Variants in EIF4G3 observed in about 807,000 individuals in gnomAD.
EIF4G3 encodes eIF-4-gamma 3.
In EIF4G3, 34 loss-of-function variants were observed where a neutral mutation model predicts 186.4. That is an observed-to-expected ratio of 0.18 (90% CI 0.14 to 0.24). EIF4G3 has a LOEUF of 0.24. Ranked by LOEUF, EIF4G3 falls within the 10% of genes least tolerant of loss-of-function variation. The probability of loss-of-function intolerance (pLI) is 1.00; values close to 1 mark genes in which losing one functional copy is unlikely to be tolerated. For missense variants in EIF4G3, 1,536 were observed against 1,948.5 expected (o/e 0.79, Z 3.99); for synonymous variants, 673 against 679.5 (o/e 0.99, Z 0.15).
At chr1:21,006,120 A>T (rs1388848362) in intron 4 of EIF4G3, among the ~76,000 whole-genome samples, 1 of 152,178 alleles carries the variant, frequency 6.6e-6, no homozygotes, top group East Asian at 1.9e-4. Flanking sequence ...GCCTTTAGAA[A>T]CTTCTTAGGA....
intron 33 of EIF4G3, among the ~76,000 whole-genome samples, chr1:20,820,888 A>T (rs1319431534): frequency 6.6e-6 from 1 of 151,874 alleles, no homozygotes; most frequent in Non-Finnish European, 1.5e-5. Flanking sequence ...TGTGGAGAGG[A>T]GCTATCCTCT....
At position 21,138,966 on chromosome 1, in the gene EIF4G3, C is replaced by A. The variant is rs186938009; in HGVS notation, c.-272+37209G>T. 2.0e-5 allele frequency among the ~76,000 whole-genome samples: 3 copies of A among 152,214 alleles called. No homozygotes were observed. The East Asian group carries it at 5.8e-4, about 29-fold the overall frequency. On this transcript the variant is annotated intron_variant, in intron 2 of 36. Coordinates refer to ENST00000602326, the MANE Select transcript of EIF4G3 (RefSeq NM_001391906.1). Reference sequence around the variant, plus strand: ...GCAGTGTGATCACAGCTCACTGCAGCCTTGACCTCCTGGGCTCAAGCAATC... The same window carrying A: ...GCAGTGTGATCACAGCTCACTGCAGACTTGACCTCCTGGGCTCAAGCAATC...
chr1:20,806,442 T>TG (rs1215544797), downstream of EIF4G3: 1 of 152,668 alleles, frequency 6.6e-6, no homozygotes, highest in African/African-American at 2.4e-5. Context: ...TGGGCACACA[T>TG]GCAGCAGCTG....
In EIF4G3 at chr1:20,861,396, C is replaced by CA. The variant is rs1350591236; in HGVS notation, c.3111+831dup. Among the ~76,000 whole-genome samples the CA allele has an allele frequency of 2.6e-5, 4 of 151,438 alleles. No homozygotes were observed. The East Asian group carries it at 5.8e-4, about 22-fold the overall frequency. On this transcript the variant is annotated intron_variant, in intron 23 of 36. Transcript: ENST00000602326. ...AAGAGAAATGAGAAAAACAAAAAAA[C>CA]AAAAAAACAAAAAAAACCCAGCAGC...
intron 12 of EIF4G3, among the ~76,000 whole-genome samples, chr1:20,959,497 A>T (rs886778216): frequency 1.3e-5 from 2 of 151,924 alleles, no homozygotes; most frequent in Non-Finnish European, 2.9e-5. Flanking sequence ...CATGAGTAAG[A>T]CCCCAAAGCA....
At chr1:20,831,120 C>T (rs1340607753) in intron 30 of EIF4G3, among the ~76,000 whole-genome samples, 1 of 151,854 alleles carries the variant, frequency 6.6e-6, no homozygotes, top group Non-Finnish European at 1.5e-5. Flanking sequence ...GAAAAAACCA[C>T]AGCCACTGGA....
intron 2 of EIF4G3, among the ~76,000 whole-genome samples, chr1:21,112,455 A>T (rs1333413685): frequency 6.6e-6 from 1 of 152,216 alleles, no homozygotes; most frequent in Non-Finnish European, 1.5e-5. Context: ...TAACATTAAC[A>T]GGAAGAATAC....
intron 18 of EIF4G3, chr1:20,892,619 C>T: frequency 2.0e-6 from 3 of 1,529,126 alleles, no homozygotes; most frequent in Non-Finnish European, 2.6e-6. Flanking sequence ...TTCAGCGCAC[C>T]CCTAGAGGCA....
intron 29 of EIF4G3, among the ~76,000 whole-genome samples, chr1:20,847,459 T>C (rs999914980): frequency 1.3e-5 from 2 of 152,322 alleles, no homozygotes; most frequent in Admixed American, 6.5e-5. Flanking sequence ...TAAGGTCTTT[T>C]ACTCCCTATA....
At chr1:20,913,305 G>A (rs1357963061) in intron 14 of EIF4G3, among the ~76,000 whole-genome samples, 3 of 152,172 alleles carry the variant, frequency 2.0e-5, no homozygotes, top group African/African-American at 7.2e-5. Flanking sequence ...AGGACAAGGT[G>A]AGTGAATTGC....
intron 2 of EIF4G3, among the ~76,000 whole-genome samples, chr1:21,150,731 C>G (rs1218688731): frequency 5.9e-5 from 9 of 152,150 alleles, no homozygotes; most frequent in Admixed American, 5.9e-4. Flanking sequence ...AATCCCAGCA[C>G]TTTGGGAGGC....
At chr1:21,136,126 T>G (rs1416354697) in intron 2 of EIF4G3, among the ~76,000 whole-genome samples, 1 of 151,244 alleles carries the variant, frequency 6.6e-6, no homozygotes. Flanking sequence ...GAGCTTGCAG[T>G]GAGCCGAGAT....
intron 4 of EIF4G3, among the ~76,000 whole-genome samples, chr1:21,019,767 C>T (rs2154570722): frequency 6.6e-6 from 1 of 152,196 alleles, no homozygotes; most frequent in East Asian, 1.9e-4. Flanking sequence ...GCCTGTAGTC[C>T]CAGCAACTAG....
At chr1:21,087,433 C>T (rs2096024389) in intron 3 of EIF4G3, among the ~76,000 whole-genome samples, 1 of 152,118 alleles carries the variant, frequency 6.6e-6, no homozygotes, top group Non-Finnish European at 1.5e-5. Flanking sequence ...AACCAGCCTG[C>T]TCAACCAAGT....
chr1:21,150,795 G>A (rs145520623), intron 2 of EIF4G3, among the ~76,000 whole-genome samples: 611 of 152,252 alleles, frequency 4.0e-3, no homozygotes, highest in Non-Finnish European at 6.1e-3. Flanking sequence ...TGGCTAACAT[G>A]GTGAAACCCC....
intron 3 of EIF4G3, among the ~76,000 whole-genome samples, chr1:21,067,131 C>CTTTTTTTTTTT (rs1392802757): frequency 8.2e-6 from 1 of 122,654 alleles, no homozygotes; most frequent in African/African-American, 3.0e-5. Context: ...TTTTTCTTTT[C>CTTTTTTTTTTT]TTTTTTTTTT....
At chr1:20,808,658 G>C (rs779385684) in intron 36 of EIF4G3, among the ~76,000 whole-genome samples, 4 of 152,114 alleles carry the variant, frequency 2.6e-5, no homozygotes, top group Non-Finnish European at 5.9e-5. Flanking sequence ...TCCAGCCTGG[G>C]TGACAGAGCG....
chr1:20,943,977 TGTGTGTGTGTGTGTGTGTG>T (rs1558363918), intron 13 of EIF4G3, among the ~76,000 whole-genome samples: 1 of 34,868 alleles, frequency 2.9e-5, no homozygotes, highest in African/African-American at 9.4e-5. Context: ...ATTTTTTTTG[TGTGTGTGTGTGTGTGTGTG>T]TGTGTGTGTG....
rs549905044 is a variant in EIF4G3 at position 20,905,946 on chromosome 1, T to A, written c.1664-975A>T. On this transcript the variant is annotated intron_variant, in intron 14 of 36. Coordinates refer to ENST00000602326, the MANE Select transcript of EIF4G3 (RefSeq NM_001391906.1). ...TGAGACTCTGGGACAGTCTCATCTT[T>A]TTTGGTATGACAGTAGAACGTGCAC... is the stretch of plus-strand genomic sequence containing the variant. Among the ~76,000 whole-genome samples, 4 of 152,326 alleles carry A rather than the reference T, an allele frequency of 2.6e-5. No individual in the cohort carries two copies. The East Asian group carries it at 7.7e-4, about 29-fold the overall frequency.
Sources: allele counts gnomAD v4.1 joint callset (sites outside exome capture counted in the v4.1 genomes callset), GRCh38; gene constraint gnomAD v4.1.1; transcripts MANE v1.5; gene names NCBI Gene and HGNC (gene_info 2026-07-23, HGNC 2026-07-21).